Variants in LONP1 observed in about 807,000 individuals in gnomAD.
The protein encoded by LONP1 is lon protease homolog, mitochondrial.
In LONP1, 31 loss-of-function variants were observed where a neutral mutation model predicts 98.5. The ratio of observed to expected loss-of-function variants is 0.31; its 90% CI spans 0.24 to 0.42. The LOEUF is 0.42. LONP1 is among the 20% of genes least tolerant of loss of function. The probability of loss-of-function intolerance (pLI) is 1.00; values close to 1 mark genes in which losing one functional copy is unlikely to be tolerated. For synonymous variants in LONP1, 781 were observed against 594.7 expected (o/e 1.31, Z -4.56); for missense variants, 1,336 against 1,350.6 (o/e 0.99, Z 0.17).
At chr19:5,692,266 T>G in intron 17 of LONP1, 58 bp from the exon 18 acceptor site, 4 of 1,530,176 alleles carry the variant, frequency 2.6e-6, no homozygotes, top group Non-Finnish European at 3.5e-6. Context: ...GCAGGTGTGC[T>G]AACCTCCAGG....
chr19:5,694,459 C>T lies in LONP1; in HGVS notation c.2248G>A (p.Val750Met), dbSNP rs374091667. 63 of 1,613,374 alleles carry T rather than the reference C, an allele frequency of 3.9e-5. No individual in the cohort carries two copies. The highest frequency in any genetic ancestry group is 8.0e-5 in the African/African-American group (6 of 74,936). ...ENLQDFVGKP[V>M]FTVERMYDVT... ...TCATACATGCGCTCCACGGTGAACA[C>T]GGGCTTCCCCACGAAGTCCTGCAGG... Residue 750 changes from valine (V) to methionine (M), a missense_variant, in exon 15 of 18, where the codon GTG becomes ATG. By Grantham distance (21) the Val-to-Met change is conservative. Coordinates refer to ENST00000360614, the MANE Select transcript of LONP1 (RefSeq NM_004793.4).
intron 8 of LONP1, among the ~76,000 whole-genome samples, chr19:5,704,427 C>T (rs953998284): frequency 6.6e-6 from 1 of 152,162 alleles, no homozygotes; most frequent in African/African-American, 2.4e-5. Context: ...CCTCTCAGGG[C>T]CCTGGGGGAG....
At chr19:5,692,490 C>T (rs921760878) in intron 17 of LONP1, among the ~76,000 whole-genome samples, 6 of 152,090 alleles carry the variant, frequency 3.9e-5, no homozygotes, top group African/African-American at 1.4e-4. Flanking sequence ...TCTCAGGGCT[C>T]TGGATGAGCC....
At chr19:5,708,309 C>A in intron 5 of LONP1, 33 bp downstream of exon 5, 2 of 1,594,478 alleles carry the variant, frequency 1.3e-6, no homozygotes, top group African/African-American at 1.4e-5. Flanking sequence ...CAGAGATGCC[C>A]CCGCCTGGCC....
intron 15 of LONP1, 64 bp from the exon 16 acceptor site, chr19:5,693,833 C>T: frequency 2.2e-6 from 3 of 1,380,260 alleles, no homozygotes; most frequent in South Asian, 1.2e-5. Flanking sequence ...CTCACTCCAC[C>T]CCTCGGGGCC....
At chr19:5,714,347 G>C (rs1001506554) in intron 1 of LONP1, 76 bp from the exon 2 acceptor site, 6 of 1,023,036 alleles carry the variant, frequency 5.9e-6, no homozygotes, top group Non-Finnish European at 9.1e-6. Flanking sequence ...CTGTTGCCCT[G>C]GCTGGAATGT....
intron 8 of LONP1, among the ~76,000 whole-genome samples, chr19:5,702,869 C>A (rs2055080368): frequency 1.3e-5 from 2 of 151,094 alleles, no homozygotes; most frequent in South Asian, 2.1e-4. Flanking sequence ...TACCCAGGGA[C>A]ACAAACACTG....
intron 3 of LONP1, chr19:5,712,602 T>G (rs560755843): frequency 1.5e-4 from 28 of 186,278 alleles, no homozygotes; most frequent in Admixed American, 5.3e-4. Flanking sequence ...GCTCAAGCAA[T>G]CCTCCTGCCT....
chr19:5,692,035 C>G lies in LONP1; in HGVS notation c.2877G>C (p.Arg959=), dbSNP rs150782036. ...DEQAEALAVE[R] ...GCCTGCAGTCCCGGGGTGGCCGTCA[C>G]CGTTCCACGGCCAGCGCCTCTGCCT... The change falls in exon 18 of 18, where the codon CGG becomes CGC. Residue 959 remains arginine (R), a synonymous_variant. Transcript: ENST00000360614. 4.3e-6 allele frequency: 7 copies of G among 1,611,590 alleles called. No homozygotes were observed. The highest frequency in any genetic ancestry group is 5.9e-6 in the Non-Finnish European group (7 of 1,178,694).
intron 1 of LONP1, 80 bp from the exon 2 acceptor site, chr19:5,714,351 G>A: frequency 4.2e-6 from 4 of 961,784 alleles, no homozygotes; most frequent in Non-Finnish European, 5.0e-6. Flanking sequence ...TGCCCTGGCT[G>A]GAATGTAATG....
chr19:5,702,416 G>A (rs1160340015), intron 8 of LONP1, among the ~76,000 whole-genome samples: 4 of 149,158 alleles, frequency 2.7e-5, no homozygotes, highest in Admixed American at 6.6e-5. Flanking sequence ...GCCTCTGCCC[G>A]GCCGCCCCTA....
At chr19:5,694,942 GC>G (rs1385755706) in intron 13 of LONP1, 41 bp from the exon 14 acceptor site, 2 of 1,576,404 alleles carry the variant, frequency 1.3e-6, no homozygotes, top group South Asian at 1.1e-5. Flanking sequence ...GAGGGACCTT[GC>G]CCACCAGCTC....
intron 2 of LONP1, 99 bp from the exon 3 acceptor site, chr19:5,713,352 T>A: frequency 7.1e-7 from 1 of 1,416,556 alleles, no homozygotes; most frequent in Non-Finnish European, 9.9e-7. Flanking sequence ...GAAACGCCCC[T>A]ACCAAATGCT....
At chr19:5,715,223 T>C (rs1237484957) in intron 1 of LONP1, among the ~76,000 whole-genome samples, 2 of 152,012 alleles carry the variant, frequency 1.3e-5, no homozygotes, top group Non-Finnish European at 2.9e-5. Flanking sequence ...TCAAAGGGGA[T>C]GTCCAGGGCA....
chr19:5,707,672 G>A, intron 6 of LONP1, 25 bp downstream of exon 6: 2 of 1,596,616 alleles, frequency 1.3e-6, no homozygotes, highest in Non-Finnish European at 1.7e-6. Flanking sequence ...AGGCGTGGGG[G>A]GCTGTGGAGG....
At chr19:5,711,713 C>T in intron 4 of LONP1, 58 bp downstream of exon 4, 1 of 1,460,910 alleles carries the variant, frequency 6.8e-7, no homozygotes, top group Non-Finnish European at 9.4e-7. Context: ...GCAGGAACGG[C>T]TCAAGGGAGC....
intron 1 of LONP1, among the ~76,000 whole-genome samples, chr19:5,718,010 C>G (rs1461329305): frequency 2.0e-5 from 3 of 151,892 alleles, no homozygotes; most frequent in Admixed American, 1.3e-4. Flanking sequence ...GTGCCCAGCC[C>G]ACATGGCCTC....
At chr19:5,699,774 G>A (rs2055008568) in intron 9 of LONP1, among the ~76,000 whole-genome samples, 1 of 151,636 alleles carries the variant, frequency 6.6e-6, no homozygotes, top group Non-Finnish European at 1.5e-5. Flanking sequence ...TGGTCAGGCT[G>A]GTCTCGAACT....
At position 5,711,038 on chromosome 19, in the gene LONP1, GA is replaced by G. The variant is rs369130620; in HGVS notation, c.870+732del. Among the ~76,000 whole-genome samples, 308 of 145,424 alleles carry G rather than the reference GA, an allele frequency of 2.1e-3. 1 individual carries two copies. Among genetic ancestry groups the G allele is most frequent in the African/African-American group, 7.1e-3 (284 of 40,000 alleles). On this transcript the variant is annotated intron_variant, in intron 4 of 17. Coordinates refer to ENST00000360614, the MANE Select transcript of LONP1 (RefSeq NM_004793.4). ...CCAGACTCTGTCTCAAAAAAAGAAA[GA>G]AAAAAAAAAACCTCGCAGGGGTAGT... is the stretch of plus-strand genomic sequence containing the variant.
Sources: gnomAD v4.1 joint callset for allele counts (sites outside exome capture counted in the v4.1 genomes callset) on GRCh38, gnomAD v4.1.1 for gene constraint, MANE v1.5 for transcripts, NCBI Gene and HGNC (gene_info 2026-07-23, HGNC 2026-07-21) for gene names.